The following SLC35B4 variants were observed in gnomAD, a reference collection of about 807,000 sequenced individuals.
SLC35B4 encodes solute carrier family 35 member B4, also known as nucleotide sugar transporter SLC35B4.
A neutral mutation model predicts 39.5 loss-of-function variants in SLC35B4; 28 were observed. That is an observed-to-expected ratio of 0.71 (90% CI 0.53 to 0.97). The LOEUF (loss-of-function observed/expected upper bound fraction) is 0.97. Among genes scored for constraint, SLC35B4 ranks in the 50% least tolerant of loss-of-function variants. The pLI is 0.00. For missense variants in SLC35B4, 334 were observed against 414.3 expected (o/e 0.81, Z 1.68); for synonymous variants, 145 against 150.4 (o/e 0.96, Z 0.26).
upstream of SLC35B4, chr7:134,317,042 C>T (rs1369544599): frequency 1.3e-5 from 5 of 385,780 alleles, no homozygotes; most frequent in East Asian, 4.6e-5. Context: ...ATGCGACGTT[C>T]CCGCTTCCGC....
rs771849387 is a variant in SLC35B4, at chr7:134,301,831, A to C, written c.427-10T>G. On this transcript the variant is annotated splice_polypyrimidine_tract_variant and intron_variant, in intron 5 of 9. Transcript: ENST00000378509. ...AGCTGGACTGGGAAGTCTAGGAAAT[A>C]AGAAAATAAACTAGGTACAGAGAGC... 1.8e-5 allele frequency: 29 copies of C among 1,613,670 alleles called. No individual in the cohort carries two copies. In the East Asian group the frequency reaches 6.0e-4, roughly 33 times the overall value.
At chr7:134,309,999 G>C (rs763069617) in intron 1 of SLC35B4, among the ~76,000 whole-genome samples, 5 of 152,150 alleles carry the variant, frequency 3.3e-5, no homozygotes, top group Non-Finnish European at 5.9e-5. Context: ...CCCAGCAACG[G>C]GGCAAAATTG....
intron 1 of SLC35B4, among the ~76,000 whole-genome samples, chr7:134,314,398 G>A (rs1803920562): frequency 6.6e-6 from 1 of 152,152 alleles, no homozygotes; most frequent in Non-Finnish European, 1.5e-5. Flanking sequence ...TAGTAAAGAG[G>A]GGATTCAGTT....
In SLC35B4 at chr7:134,291,732, A is replaced by G. The variant is rs2117265806; in HGVS notation, c.*3101T>C. 6.6e-6 allele frequency: 1 copy of G among 152,376 alleles called. No homozygotes were observed. The highest frequency in any genetic ancestry group is 2.1e-4 in the South Asian group (1 of 4,826). 9.4% of individuals were successfully genotyped at this position (152,376 alleles called of 1,614,324 possible). On this transcript the variant is annotated 3_prime_UTR_variant, in exon 10 of 10. Transcript: ENST00000378509. Reference sequence around the variant, plus strand: ...ATTTGGATTTGTCTAAATACTTTAGAACTTGATATAAATGTATCAAGTACA... The same window carrying G: ...ATTTGGATTTGTCTAAATACTTTAGGACTTGATATAAATGTATCAAGTACA...
chr7:134,301,537 A>G (rs1045950282), intron 6 of SLC35B4, among the ~76,000 whole-genome samples: 2 of 152,200 alleles, frequency 1.3e-5, no homozygotes, highest in Admixed American at 1.3e-4. Flanking sequence ...CAACCAAGAA[A>G]AACATGGATC....
Position 134,299,514 on chromosome 7 carries a change from C to T in SLC35B4, c.673+9G>A. On this transcript the variant is annotated intron_variant, in intron 8 of 9. Transcript: ENST00000378509. ...GTCAGGTAATTCTACTGTCTAACCC[C>T]AAACTCACCAGACTTATTGAATAGA... 1 of 1,611,266 alleles carries T rather than the reference C, an allele frequency of 6.2e-7. No individual in the cohort carries two copies. Among genetic ancestry groups the T allele is most frequent in the African/African-American group, 1.3e-5 (1 of 74,978 alleles).
intron 9 of SLC35B4, 126 bp from the exon 10 acceptor site, chr7:134,295,205 G>T: frequency 8.2e-7 from 1 of 1,212,514 alleles, no homozygotes; most frequent in Non-Finnish European, 1.1e-6. Flanking sequence ...CGCTACGGCA[G>T]CTCTGAGGCT....
chr7:134,305,315 A>G (rs1425284053), intron 3 of SLC35B4, among the ~76,000 whole-genome samples: 1 of 147,710 alleles, frequency 6.8e-6, no homozygotes, highest in Non-Finnish European at 1.5e-5. Flanking sequence ...CAAGAGCGAA[A>G]CTCCGTCTCC....
chr7:134,307,560 CT>C (rs1304288368), intron 2 of SLC35B4, among the ~76,000 whole-genome samples: 1 of 152,150 alleles, frequency 6.6e-6, no homozygotes, highest in Non-Finnish European at 1.5e-5. Flanking sequence ...TATGACTCAA[CT>C]TCCTATATTG....
rs1803418981 is a variant in SLC35B4 at position 134,294,756 on chromosome 7, C to A, written c.*77G>T. On this transcript the variant is annotated 3_prime_UTR_variant, in exon 10 of 10. Coordinates refer to ENST00000378509, the MANE Select transcript of SLC35B4 (RefSeq NM_032826.5). ...AGCACTGCGGGTAGCTCGGCATTAACAAAAGCGAAACGGTGGTCAGACCTT... is the reference window on the plus strand; with the variant it reads ...AGCACTGCGGGTAGCTCGGCATTAAAAAAAGCGAAACGGTGGTCAGACCTT... 40 of 1,567,924 alleles carry A rather than the reference C, an allele frequency of 2.6e-5. No homozygotes were observed. In the South Asian group the frequency reaches 4.7e-4, roughly 18 times the overall value.
At chr7:134,319,700 A>G (rs552076865), upstream of SLC35B4, among the ~76,000 whole-genome samples, 4 of 152,110 alleles carry the variant, frequency 2.6e-5, no homozygotes, top group Non-Finnish European at 4.4e-5. Context: ...TAAACCCCTC[A>G]CCATTAGGGC....
Position 134,304,876 on chromosome 7 carries a change from A to C in SLC35B4, c.295-22T>G, listed in dbSNP as rs767716148. ...AACCCTGCAAAAGGAGACAACAGTA[A>C]CAGAGAGGTTTAGTGCACTAGGAAA... On this transcript the variant is annotated intron_variant, in intron 3 of 9. Transcript: ENST00000378509. 5.2e-5 allele frequency: 83 copies of C among 1,605,564 alleles called. 1 individual carries two copies. In the South Asian group the frequency reaches 7.4e-4, roughly 14 times the overall value.
At position 134,294,646 on chromosome 7, in the gene SLC35B4, G is replaced by C. The variant is rs535273993; in HGVS notation, c.*187C>G. The C allele has an allele frequency of 2.4e-5, 15 of 621,088 alleles. No homozygotes were observed. Among genetic ancestry groups the C allele is most frequent in the African/African-American group, 2.4e-4 (13 of 54,418 alleles). The allele number at this position is 621,088 out of a possible 1,614,324, so 38.5% of individuals were successfully genotyped here. A position where few individuals can be genotyped will look rare whatever the true frequency, so the allele number is the denominator to read the frequency against. ...CTGTTCTTTTTTCTATTTTAGGGCT[G>C]AGGGGTTTCTATTTAGTCTACATGT... is the stretch of plus-strand genomic sequence containing the variant. On this transcript the variant is annotated 3_prime_UTR_variant, in exon 10 of 10. Coordinates refer to ENST00000378509, the MANE Select transcript of SLC35B4 (RefSeq NM_032826.5).
At chr7:134,310,711 A>AT (rs928741609) in intron 1 of SLC35B4, among the ~76,000 whole-genome samples, 3 of 151,528 alleles carry the variant, frequency 2.0e-5, no homozygotes, top group Non-Finnish European at 2.9e-5. Flanking sequence ...GGCCCGGCTA[A>AT]TTTTTTTGTT....
intron 4 of SLC35B4, among the ~76,000 whole-genome samples, chr7:134,303,870 C>T (rs909355471): frequency 1.3e-5 from 2 of 152,170 alleles, no homozygotes; most frequent in African/African-American, 4.8e-5. Flanking sequence ...TTTGAAAAAG[C>T]ATCCCAGGTA....
chr7:134,302,175 T>C (rs1196247008), intron 4 of SLC35B4, 65 bp from the exon 5 acceptor site: 2 of 1,348,394 alleles, frequency 1.5e-6, no homozygotes, highest in African/African-American at 2.9e-5. Flanking sequence ...TTCCCAGTGA[T>C]ATTTACAGTC....
chr7:134,309,965 A>G (rs955254322), intron 1 of SLC35B4, among the ~76,000 whole-genome samples: 1 of 152,182 alleles, frequency 6.6e-6, no homozygotes, highest in Non-Finnish European at 1.5e-5. Context: ...AGTGTTGATG[A>G]TAGGAACATT....
chr7:134,316,830 C>G lies in SLC35B4; in HGVS notation c.-79G>C. On this transcript the variant is annotated 5_prime_UTR_variant, in exon 1 of 10. Coordinates refer to ENST00000378509, the MANE Select transcript of SLC35B4 (RefSeq NM_032826.5). ...GCTACCCCAGGAAGCCGGCCTCCTG[C>G]CTCTTCGCTGCGCAGCACATCGCAC... The G allele has an allele frequency of 7.2e-7, 1 of 1,394,848 alleles. No homozygotes were observed. The highest frequency in any genetic ancestry group is 9.8e-7 in the Non-Finnish European group (1 of 1,016,072). 86.4% of individuals were successfully genotyped at this position (1,394,848 alleles called of 1,614,324 possible).
intron 8 of SLC35B4, among the ~76,000 whole-genome samples, chr7:134,297,450 ACT>A (rs1467888376): frequency 1.3e-5 from 2 of 152,352 alleles, no homozygotes; most frequent in South Asian, 2.1e-4. Context: ...ATAAAGAATA[ACT>A]CTGAATCAAA....
Sources: gnomAD v4.1 joint callset for allele counts (sites outside exome capture counted in the v4.1 genomes callset) on GRCh38, gnomAD v4.1.1 for gene constraint, MANE v1.5 for transcripts, NCBI Gene and HGNC (gene_info 2026-07-23, HGNC 2026-07-21) for gene names.